The following SPINT4 variants were observed in gnomAD, a reference collection of about 807,000 sequenced individuals.
The protein encoded by SPINT4 is serine peptidase inhibitor, Kunitz type 4.
In SPINT4, 7 loss-of-function variants were observed where a neutral mutation model predicts 9.4. That is an observed-to-expected ratio of 0.74 (90% CI 0.42 to 1.40). The LOEUF (loss-of-function observed/expected upper bound fraction) is 1.40, where lower values mean the gene tolerates loss of function less well. Ranked by LOEUF, SPINT4 falls within the 40% of genes most tolerant of loss-of-function variation. SPINT4 has a pLI of 0.01. For synonymous variants in SPINT4, 36 were observed against 39.9 expected (o/e 0.90, Z 0.37); for missense variants, 105 against 114.4 (o/e 0.92, Z 0.37).
intron 2 of SPINT4, among the ~76,000 whole-genome samples, chr20:45,724,995 A>T (rs867537158): frequency 0.033 from 1,173 of 35,596 alleles, 46 homozygotes; most frequent in Middle Eastern, 0.091. Context: ...AAAAAAAAAA[A>T]ATATATATAT....
chr20:45,723,615 T>C (rs1301537843), intron 1 of SPINT4, among the ~76,000 whole-genome samples: 1 of 152,098 alleles, frequency 6.6e-6, no homozygotes, highest in Non-Finnish European at 1.5e-5. Context: ...AAGCTAGTGG[T>C]GGAACCTCCT....
rs1241203375 is a variant in SPINT4 at position 45,725,634 on chromosome 20, G to A, written c.299G>A (p.Ter100=). 2 of 1,613,848 alleles carry A rather than the reference G, an allele frequency of 1.2e-6. No individual in the cohort carries two copies. The highest frequency in any genetic ancestry group is 1.1e-5 in the South Asian group (1 of 91,070). The change falls in exon 3 of 3, where the codon TGA becomes TAA. Residue 100 remains the stop codon, a stop_retained_variant. Coordinates refer to ENST00000279058, the MANE Select transcript of SPINT4 (RefSeq NM_178455.3). ...TCTTTCCTTTGCTTAAACAGGAGGT[G>A]AGAGGATGTGAACTCATGAAGTTGT... is the stretch of plus-strand genomic sequence containing the variant. ...ACVAKYKPPR[*]
chr20:45,722,858 G>T (rs1241232799), intron 1 of SPINT4, among the ~76,000 whole-genome samples: 2 of 152,132 alleles, frequency 1.3e-5, no homozygotes, highest in East Asian at 1.9e-4. Flanking sequence ...CAGTATCTGG[G>T]CTATGGACAT....
At chr20:45,725,077 C>T (rs1487140195) in intron 2 of SPINT4, among the ~76,000 whole-genome samples, 1 of 141,582 alleles carries the variant, frequency 7.1e-6, no homozygotes, top group Non-Finnish European at 1.5e-5. Context: ...AAACCAAGTA[C>T]AGTACAAGTA....
chr20:45,725,757 A>C lies in SPINT4; in HGVS notation c.*122A>C, dbSNP rs893853993. 1 of 1,310,598 alleles carries C rather than the reference A, an allele frequency of 7.6e-7. No homozygotes were observed. Among genetic ancestry groups the C allele is most frequent in the Non-Finnish European group, 1.1e-6 (1 of 912,602 alleles). The allele number at this position is 1,310,598 out of a possible 1,614,324, so 81.2% of individuals were successfully genotyped here. Reference sequence around the variant, plus strand: ...TGCTTTAAGCTTCCATATGTTTGCTATTTTCCTGACCCTAGTTTTGTCTTT... The same window carrying C: ...TGCTTTAAGCTTCCATATGTTTGCTCTTTTCCTGACCCTAGTTTTGTCTTT... On this transcript the variant is annotated 3_prime_UTR_variant, in exon 3 of 3. Coordinates refer to ENST00000279058, the MANE Select transcript of SPINT4 (RefSeq NM_178455.3).
chr20:45,724,512 TAA>T (rs58689567), intron 2 of SPINT4, among the ~76,000 whole-genome samples: 7 of 114,518 alleles, frequency 6.1e-5, no homozygotes, highest in Admixed American at 2.8e-4. Context: ...AAACTCCATC[TAA>T]AAAAAAAAAA....
intron 2 of SPINT4, 75 bp from the exon 3 acceptor site, chr20:45,725,554 G>T: frequency 1.3e-6 from 2 of 1,518,488 alleles, no homozygotes; most frequent in South Asian, 1.1e-5. Context: ...GATAAAAAAT[G>T]ACCTGCATTA....
At chr20:45,725,523 C>A in intron 2 of SPINT4, 106 bp from the exon 3 acceptor site, 1 of 1,117,958 alleles carries the variant, frequency 8.9e-7, no homozygotes, top group Non-Finnish European at 1.4e-6. Flanking sequence ...AGATAGAAGG[C>A]ATCCTCTGTG....
At position 45,722,426 on chromosome 20, in the gene SPINT4, C is replaced by T. The variant is rs537909021; in HGVS notation, c.59C>T (p.Thr20Ile). ...TTCTTCATCTTCTGCTCATTGAATA[C>T]CCTGTTATTGGGTGGTGTTAATAAA... ...LRFFIFCSLN[T>I]LLLGGVNKIA... The change falls in exon 1 of 3, where the codon ACC becomes ATC. Residue 20 changes from threonine to isoleucine, a missense_variant. Transcript: ENST00000279058. 6.2e-7 allele frequency: 1 copy of T among 1,613,752 alleles called. No homozygotes were observed. Among genetic ancestry groups the T allele is most frequent in the African/African-American group, 1.3e-5 (1 of 75,020 alleles).
At chr20:45,725,265 C>T (rs1984921235) in intron 2 of SPINT4, among the ~76,000 whole-genome samples, 1 of 151,462 alleles carries the variant, frequency 6.6e-6, no homozygotes. Context: ...AGCTCCCAGC[C>T]CATGCTTGAC....
intron 2 of SPINT4, among the ~76,000 whole-genome samples, chr20:45,724,995 A>AAAAT (rs1387842262): frequency 0.014 from 515 of 36,396 alleles, 18 homozygotes; most frequent in Middle Eastern, 0.045. Flanking sequence ...AAAAAAAAAA[A>AAAAT]ATATATATAT....
At chr20:45,723,828 C>T in intron 1 of SPINT4, 52 bp from the exon 2 acceptor site, 1 of 1,454,578 alleles carries the variant, frequency 6.9e-7, no homozygotes, top group East Asian at 2.5e-5. Context: ...GACAAGTTCT[C>T]CTGCTGAGTC....
intron 2 of SPINT4, among the ~76,000 whole-genome samples, chr20:45,724,905 G>A (rs1453815974): frequency 2.9e-4 from 41 of 142,966 alleles, no homozygotes; most frequent in African/African-American, 9.8e-4. Context: ...GTGTGAACCC[G>A]GGAGGCGGAG....
intron 2 of SPINT4, among the ~76,000 whole-genome samples, chr20:45,724,512 T>TAA (rs58689567): frequency 7.0e-5 from 8 of 114,502 alleles, no homozygotes; most frequent in South Asian, 5.4e-4. Context: ...AAACTCCATC[T>TAA]AAAAAAAAAA....
intron 1 of SPINT4, among the ~76,000 whole-genome samples, chr20:45,723,551 T>G (rs551636098): frequency 6.6e-6 from 1 of 152,224 alleles, no homozygotes; most frequent in Admixed American, 6.5e-5. Context: ...AGGAGGATAC[T>G]GTACTTTAAT....
At chr20:45,724,304 C>A (rs979985967) in intron 2 of SPINT4, among the ~76,000 whole-genome samples, 2 of 151,738 alleles carry the variant, frequency 1.3e-5, no homozygotes, top group African/African-American at 4.8e-5. Flanking sequence ...GCCTGACCAA[C>A]ATGGAGAAAC....
intron 2 of SPINT4, among the ~76,000 whole-genome samples, chr20:45,724,995 A>AAAAAAAAAAT (rs1387842262): frequency 2.7e-5 from 1 of 36,424 alleles, no homozygotes; most frequent in African/African-American, 1.9e-4. Context: ...AAAAAAAAAA[A>AAAAAAAAAAT]ATATATATAT....
At chr20:45,725,217 T>G (rs918693696) in intron 2 of SPINT4, among the ~76,000 whole-genome samples, 3 of 151,054 alleles carry the variant, frequency 2.0e-5, no homozygotes, top group African/African-American at 4.9e-5. Flanking sequence ...TCTCATACCT[T>G]TGAACTCTTC....
intron 1 of SPINT4, among the ~76,000 whole-genome samples, chr20:45,723,097 TCA>T (rs910300960): frequency 5.9e-5 from 9 of 152,108 alleles, no homozygotes; most frequent in Admixed American, 6.5e-5. Context: ...TCTCTTAGTC[TCA>T]GTTTCCCCAT....
Sources: allele counts gnomAD v4.1 joint callset (sites outside exome capture counted in the v4.1 genomes callset), GRCh38; gene constraint gnomAD v4.1.1; transcripts MANE v1.5; gene names NCBI Gene and HGNC (gene_info 2026-07-23, HGNC 2026-07-21).